The following MAST4 variants were observed in gnomAD, a reference collection of about 807,000 sequenced individuals.
MAST4 encodes microtubule-associated serine/threonine-protein kinase 4.
Under a neutral mutation model 162.7 loss-of-function variants are expected in MAST4, and 89 were observed. The ratio of observed to expected loss-of-function variants is 0.55; its 90% confidence interval spans 0.46 to 0.65. The LOEUF (loss-of-function observed/expected upper bound fraction) is 0.65. Among genes scored for constraint, MAST4 ranks in the 30% least tolerant of loss-of-function variants. The pLI, the probability that MAST4 is intolerant of heterozygous loss-of-function variation, is 0.00. For missense variants in MAST4, 3,153 were observed against 3,374.0 expected (o/e 0.93, Z 1.62); for synonymous variants, 1,479 against 1,361.1 (o/e 1.09, Z -1.91).
intron 2 of MAST4, among the ~76,000 whole-genome samples, chr5:66,787,767 G>T (rs1430751977): frequency 6.6e-6 from 1 of 152,142 alleles, no homozygotes; most frequent in Non-Finnish European, 1.5e-5. Context: ...TTTTTTGGAA[G>T]GAAATGTGTA....
At chr5:66,784,489 G>A (rs181694821) in intron 2 of MAST4, among the ~76,000 whole-genome samples, 251 of 152,160 alleles carry the variant, frequency 1.6e-3, no homozygotes, top group African/African-American at 5.5e-3. Context: ...AGCAAACCCT[G>A]TTATTCCCTG....
chr5:67,086,027 A>G (rs959092577), intron 5 of MAST4, among the ~76,000 whole-genome samples: 8 of 152,190 alleles, frequency 5.3e-5, no homozygotes, highest in African/African-American at 1.7e-4. Flanking sequence ...AGCAGTGTCC[A>G]TTTGCCAGGA....
At chr5:66,958,217 A>G (rs541992737) in intron 4 of MAST4, among the ~76,000 whole-genome samples, 1 of 152,310 alleles carries the variant, frequency 6.6e-6, no homozygotes, top group African/African-American at 2.4e-5. Context: ...AGAATTCTTG[A>G]TAAAATAAAG....
chr5:67,166,164 C>G lies in MAST4; in HGVS notation c.6985C>G (p.Leu2329Val). The G allele has an allele frequency of 6.4e-7, 1 of 1,562,756 alleles. No homozygotes were observed. The highest frequency in any genetic ancestry group is 8.7e-7 in the Non-Finnish European group (1 of 1,153,044). ...GTCCGCTGTTGGTGAAAAGCAAACC[C>G]TGTCTCCAAAGCACCCCAAACCATC... ...KLSAVGEKQT[L>V]SPKHPKPSTV... The change falls in exon 29 of 29, where the codon CTG becomes GTG. Residue 2329 changes from leucine (L) to valine (V), a missense_variant. Leu to Val is a conservative substitution (Grantham distance 32). This residue lies in a region of MAST4 where 1,644 missense variants were observed against 1,495.0 expected (regional missense o/e 1.10). Coordinates refer to ENST00000403625, the MANE Select transcript of MAST4 (RefSeq NM_001164664.2).
intron 3 of MAST4, among the ~76,000 whole-genome samples, chr5:66,895,437 T>C (rs1414115014): frequency 2.6e-5 from 4 of 152,162 alleles, no homozygotes; most frequent in Non-Finnish European, 2.9e-5. Context: ...GCACCCAGAT[T>C]CGTTTGTCTA....
chr5:66,780,584 G>C (rs962982699), intron 2 of MAST4, among the ~76,000 whole-genome samples: 5 of 152,318 alleles, frequency 3.3e-5, no homozygotes, highest in Admixed American at 2.0e-4. Flanking sequence ...ATTGTGAAGA[G>C]TGAAAGAACA....
intron 4 of MAST4, among the ~76,000 whole-genome samples, chr5:66,941,904 A>G (rs1197545762): frequency 6.6e-6 from 1 of 152,072 alleles, no homozygotes; most frequent in African/African-American, 2.4e-5. Context: ...GAGATGGGGG[A>G]ACGGCTGGTC....
intron 11 of MAST4, among the ~76,000 whole-genome samples, chr5:67,111,091 TTTTTG>T (rs1329012360): frequency 6.6e-6 from 1 of 152,188 alleles, no homozygotes; most frequent in East Asian, 1.9e-4. Context: ...TATTTAAAAG[TTTTTG>T]TTTTATGAAA....
At chr5:66,964,911 G>A (rs1647197361) in intron 4 of MAST4, among the ~76,000 whole-genome samples, 1 of 152,200 alleles carries the variant, frequency 6.6e-6, no homozygotes, top group South Asian at 2.1e-4. Flanking sequence ...GCAAATGAAT[G>A]ACGAATTTGC....
At chr5:67,024,356 CATAT>C in intron 4 of MAST4, among the ~76,000 whole-genome samples, 1 of 145,812 alleles carries the variant, frequency 6.9e-6, no homozygotes, top group African/African-American at 2.7e-5. Flanking sequence ...CACACACATA[CATAT>C]AGATAGCTAT....
At chr5:66,986,620 T>TATATATATATA (rs58502962) in intron 4 of MAST4, 21 of 179,684 alleles carry the variant, frequency 1.2e-4, no homozygotes, top group African/African-American at 4.4e-4. Flanking sequence ...ATATATATAT[T>TATATATATATA]TATTTATTTA....
intron 4 of MAST4, among the ~76,000 whole-genome samples, chr5:66,930,079 A>C (rs1401815308): frequency 6.6e-6 from 1 of 152,220 alleles, no homozygotes; most frequent in Admixed American, 6.5e-5. Context: ...AATGAAGAAA[A>C]GAGAATTACT....
At chr5:66,982,438 T>C (rs1748976642) in intron 4 of MAST4, among the ~76,000 whole-genome samples, 1 of 152,206 alleles carries the variant, frequency 6.6e-6, no homozygotes, top group Admixed American at 6.5e-5. Context: ...AGGAAAATTA[T>C]GTCATAAAAG....
intron 1 of MAST4, among the ~76,000 whole-genome samples, chr5:66,607,419 C>T (rs1400526904): frequency 6.6e-6 from 1 of 152,100 alleles, no homozygotes; most frequent in Non-Finnish European, 1.5e-5. Context: ...TCTTATTTTC[C>T]TGTTGGCTTT....
intron 21 of MAST4, among the ~76,000 whole-genome samples, chr5:67,143,276 C>G (rs1215959289): frequency 3.1e-5 from 2 of 65,164 alleles, no homozygotes; most frequent in African/African-American, 7.3e-5. Flanking sequence ...AAAAAAAAAG[C>G]CAAAAAAAAA....
chr5:66,972,240 T>C (rs1475186336), intron 4 of MAST4, among the ~76,000 whole-genome samples: 1 of 152,218 alleles, frequency 6.6e-6, no homozygotes. Context: ...TGAGGTATTA[T>C]GAAACTGGGA....
intron 2 of MAST4, among the ~76,000 whole-genome samples, chr5:66,767,621 C>T (rs955778259): frequency 3.5e-4 from 53 of 151,866 alleles, no homozygotes; most frequent in African/African-American, 1.3e-3. Flanking sequence ...CACACACACA[C>T]ATATATATAA....
intron 4 of MAST4, among the ~76,000 whole-genome samples, chr5:66,910,331 A>G (rs938984035): frequency 2.6e-5 from 4 of 152,198 alleles, no homozygotes; most frequent in African/African-American, 9.7e-5. Context: ...GGTGTGGTGT[A>G]ATGGTCCCAG....
chr5:67,148,895 T>C (rs1041654218), intron 23 of MAST4, among the ~76,000 whole-genome samples: 3 of 151,806 alleles, frequency 2.0e-5, no homozygotes, highest in African/African-American at 7.3e-5. Context: ...CTACAGGGAG[T>C]GATGAAAAAA....
Sources: gnomAD v4.1 joint callset for allele counts (sites outside exome capture counted in the v4.1 genomes callset) on GRCh38, gnomAD v4.1.1 for gene constraint, gnomAD v4.1.1 regional missense constraint, MANE v1.5 for transcripts, NCBI Gene and HGNC (gene_info 2026-07-23, HGNC 2026-07-21) for gene names.